Variants in GYG2 observed in about 807,000 individuals in gnomAD.
GYG2 encodes the protein glycogenin 2.
A neutral mutation model predicts 29.4 loss-of-function variants in GYG2; 29 were observed. The observed-to-expected ratio is 0.99, with a 90% confidence interval of 0.74 to 1.35. The LOEUF (loss-of-function observed/expected upper bound fraction) is 1.35, where lower values mean the gene tolerates loss of function less well. Among genes scored for constraint, GYG2 ranks in the 40% most tolerant of loss-of-function variants. GYG2 has a pLI of 0.00. For missense variants in GYG2, 370 were observed against 385.7 expected (o/e 0.96, Z 0.34); for synonymous variants, 167 against 172.3 (o/e 0.97, Z 0.24).
Position 2,877,223 on chromosome X carries a change from T to C in GYG2, c.1167T>C (p.Ser389=), listed in dbSNP as rs750271031. 4 of 1,206,448 alleles carry C rather than the reference T, an allele frequency of 3.3e-6. No homozygotes were observed. The highest frequency in any genetic ancestry group is 4.4e-5 in the Admixed American group (2 of 45,621). The change falls in exon 10 of 11, where the codon AGT becomes AGC. Residue 389 remains serine (S), a synonymous_variant. Coordinates refer to ENST00000398806, the MANE Select transcript of GYG2 (RefSeq NM_001079855.2). ...TILQPANKVE[S]VSSEETFEPS... is the part of the protein sequence containing the mutation. ...AGCAGCCAGCAAATAAAGTCGAAAG[T>C]GTCTCATCCGAGGAAACCTTCGAAC...
At chrX:2,874,865 G>C in intron 8 of GYG2, among the ~76,000 whole-genome samples, 1 of 111,743 alleles carries the variant, frequency 8.9e-6, no homozygotes, top group Non-Finnish European at 1.9e-5. Context: ...TCTGAAGTTG[G>C]CCTGGTGCAG....
In GYG2 at chrX:2,855,254, G is replaced by GCTCAGCGGTCT. The variant is rs2087958803; in HGVS notation, c.487+106_487+107insGTCTCTCAGCG. The GCTCAGCGGTCT allele has an allele frequency of 4.1e-6, 3 of 727,160 alleles. No individual in the cohort carries two copies. In the African/African-American group the frequency reaches 6.4e-5, roughly 15 times the overall value. The allele number at this position is 727,160 out of a possible 1,213,427, so 59.9% of individuals were successfully genotyped here. Reference sequence around the variant, plus strand: ...GCCGTTGACCATACAGTCACACCTCGCTCAGCGACAGGGATGCGGTCTGAG... The same window carrying GCTCAGCGGTCT: ...GCCGTTGACCATACAGTCACACCTCGCTCAGCGGTCTCTCAGCGACAGGGATGCGGTCTGAG... On this transcript the variant is annotated intron_variant, in intron 5 of 10. Coordinates refer to ENST00000398806, the MANE Select transcript of GYG2 (RefSeq NM_001079855.2).
chrX:2,856,271 T>C (rs1478213828), intron 5 of GYG2, among the ~76,000 whole-genome samples: 9 of 111,521 alleles, frequency 8.1e-5, no homozygotes, highest in Admixed American at 3.9e-4. Flanking sequence ...TTCTGGGGAC[T>C]CCTGGTGGAG....
chrX:2,837,143 T>C (rs1479601253), intron 2 of GYG2, among the ~76,000 whole-genome samples: 1 of 111,683 alleles, frequency 9.0e-6, no homozygotes. Flanking sequence ...TCTGGGACTC[T>C]TGGGGAGACC....
At chrX:2,844,908 G>A (rs2087629390) in intron 3 of GYG2, among the ~76,000 whole-genome samples, 1 of 105,419 alleles carries the variant, frequency 9.5e-6, no homozygotes, top group Non-Finnish European at 1.9e-5. Flanking sequence ...TTATATACAT[G>A]TATGTATACC....
At chrX:2,834,728 T>C (rs1411958400) in intron 2 of GYG2, among the ~76,000 whole-genome samples, 1 of 111,960 alleles carries the variant, frequency 8.9e-6, no homozygotes, top group Non-Finnish European at 1.9e-5. Flanking sequence ...CTTCTTTGTC[T>C]TCTGCCTCCA....
At chrX:2,844,137 G>A (rs5982592) in intron 3 of GYG2, among the ~76,000 whole-genome samples, 36,834 of 110,937 alleles carry the variant, frequency 0.33, 4,429 homozygotes, top group East Asian at 0.43. Flanking sequence ...CGAATGGGAC[G>A]AGGAGGCATT....
At chrX:2,860,102 A>G (rs1204059065) in intron 7 of GYG2, 37 bp downstream of exon 7, 1 of 905,164 alleles carries the variant, frequency 1.1e-6, no homozygotes, top group Admixed American at 2.8e-5. Context: ...GTAGCTGAGG[A>G]CGAGGAGAAC....
Position 2,877,449 on chromosome X carries a change from G to A in GYG2, c.1251+142G>A, listed in dbSNP as rs770893327. The A allele has an allele frequency of 9.2e-6, 10 of 1,084,515 alleles. No homozygotes were observed. The Admixed American group carries it at 3.6e-4, about 39-fold the overall frequency. 89.4% of individuals were successfully genotyped at this position (1,084,515 alleles called of 1,213,427 possible). A position where few individuals can be genotyped will look rare whatever the true frequency, so the allele number is the denominator to read the frequency against. ...TAAGAATCGGCTTCCCTCTTCCCCT[G>A]CCTCTGATTCTTCTGTCTTCTCTCT... is the stretch of plus-strand genomic sequence containing the variant. On this transcript the variant is annotated intron_variant, in intron 10 of 10. Coordinates refer to ENST00000398806, the MANE Select transcript of GYG2 (RefSeq NM_001079855.2).
chrX:2,854,204 T>G, intron 4 of GYG2, 50 bp downstream of exon 4: 4 of 944,237 alleles, frequency 4.2e-6, no homozygotes, highest in Non-Finnish European at 5.9e-6. Context: ...ACCACATCTC[T>G]ATCCTTAAGC....
intron 8 of GYG2, among the ~76,000 whole-genome samples, chrX:2,864,400 T>A (rs1216241654): frequency 1.0e-5 from 1 of 98,552 alleles, no homozygotes; most frequent in African/African-American, 3.7e-5. Flanking sequence ...TTTTTTTTTT[T>A]AGTTTCTGAT....
chrX:2,874,379 A>C (rs2088546966), intron 8 of GYG2, among the ~76,000 whole-genome samples: 1 of 112,451 alleles, frequency 8.9e-6, no homozygotes, highest in Non-Finnish European at 1.9e-5. Context: ...GTCGTTCTAC[A>C]TCATTGGCTT....
At chrX:2,835,139 C>T (rs1379185864) in intron 2 of GYG2, among the ~76,000 whole-genome samples, 1 of 111,509 alleles carries the variant, frequency 9.0e-6, no homozygotes, top group Non-Finnish European at 1.9e-5. Flanking sequence ...TTTAAATGTT[C>T]TGATTAGTCG....
At chrX:2,873,252 T>A (rs1035151355) in intron 8 of GYG2, among the ~76,000 whole-genome samples, 1 of 112,409 alleles carries the variant, frequency 8.9e-6, no homozygotes, top group Admixed American at 9.5e-5. Flanking sequence ...CTTATAATTT[T>A]GTGTTACACC....
intron 2 of GYG2, among the ~76,000 whole-genome samples, chrX:2,837,727 G>A (rs1485057736): frequency 1.8e-5 from 2 of 111,034 alleles, no homozygotes; most frequent in Admixed American, 1.9e-4. Context: ...GCTAAAAATT[G>A]TAAATGGCAC....
At position 2,844,579 on chromosome X, in the gene GYG2, C is replaced by T. The variant is rs1299287974; in HGVS notation, c.149+1225C>T. Among the ~76,000 whole-genome samples the T allele has an allele frequency of 2.9e-4, 13 of 45,307 alleles. 1 individual carries two copies. The highest frequency in any genetic ancestry group is 9.9e-4 in the African/African-American group (12 of 12,136). The allele number at this position is 45,307 out of a possible 115,157, so 39.3% of individuals were successfully genotyped here. ...ATGCGTATATGTGTATACGCACACG[C>T]ATGCGTATATGTGTATACGCACACG... On this transcript the variant is annotated intron_variant, in intron 3 of 10. Coordinates refer to ENST00000398806, the MANE Select transcript of GYG2 (RefSeq NM_001079855.2).
intron 6 of GYG2, among the ~76,000 whole-genome samples, chrX:2,858,334 C>T (rs997731830): frequency 9.0e-6 from 1 of 111,083 alleles, no homozygotes; most frequent in East Asian, 2.8e-4. Flanking sequence ...AATGTGGTGT[C>T]GCACACCGCT....
intron 8 of GYG2, among the ~76,000 whole-genome samples, chrX:2,873,261 C>T (rs1603460325): frequency 8.9e-6 from 1 of 112,091 alleles, no homozygotes; most frequent in Non-Finnish European, 1.9e-5. Flanking sequence ...TTGTGTTACA[C>T]CATAATTCTT....
chrX:2,875,224 C>T (rs187433611), intron 8 of GYG2, among the ~76,000 whole-genome samples: 13 of 111,824 alleles, frequency 1.2e-4, no homozygotes, highest in Non-Finnish European at 2.4e-4. Context: ...TAGGGCAGCT[C>T]TTCTCAAGTG....
Sources: gnomAD v4.1 joint callset for allele counts (sites outside exome capture counted in the v4.1 genomes callset) on GRCh38, gnomAD v4.1.1 for gene constraint, MANE v1.5 for transcripts, NCBI Gene and HGNC (gene_info 2026-07-23, HGNC 2026-07-21) for gene names.